Variants in BCR observed in about 807,000 individuals in gnomAD.
The protein encoded by BCR is breakpoint cluster region protein.
BCR carries 58 observed loss-of-function variants against 138.6 expected under a neutral mutation model. The observed-to-expected ratio is 0.42, with a 90% CI of 0.34 to 0.52. The LOEUF is 0.52. Ranked by LOEUF, BCR falls within the 20% of genes least tolerant of loss-of-function variation. The pLI, the probability that BCR is intolerant of heterozygous loss-of-function variation, is 0.06. For synonymous variants in BCR, 786 were observed against 730.1 expected (o/e 1.08, Z -1.23); for missense variants, 1,599 against 1,727.2 (o/e 0.93, Z 1.32).
chr22:23,284,216 T>C (rs116238832), intron 9 of BCR, 118 bp downstream of exon 9: 41,072 of 1,413,758 alleles, frequency 0.029, 773 homozygotes, highest in African/African-American at 0.057. Context: ...CCGTTTCTAC[T>C]TGGGCACAAT....
At chr22:23,314,821 G>A in intron 22 of BCR, 107 bp downstream of exon 22, 2 of 1,403,776 alleles carry the variant, frequency 1.4e-6, no homozygotes, top group Admixed American at 1.9e-5. Flanking sequence ...TGTATGTGGT[G>A]TGGCCAACAT....
intron 16 of BCR, among the ~76,000 whole-genome samples, chr22:23,308,843 G>A (rs1234432331): frequency 2.0e-5 from 3 of 152,174 alleles, no homozygotes; most frequent in Non-Finnish European, 4.4e-5. Context: ...TGCCGGGTGG[G>A]GGTAGAAGTT....
intron 1 of BCR, among the ~76,000 whole-genome samples, chr22:23,218,900 C>G (rs2072787630): frequency 6.6e-6 from 1 of 152,120 alleles, no homozygotes; most frequent in Admixed American, 6.5e-5. Flanking sequence ...ATTAAGAGGC[C>G]CCTTGCCGAG....
chr22:23,253,564 G>A lies in BCR; in HGVS notation c.1280-235G>A, dbSNP rs75851943. On this transcript the variant is annotated intron_variant, in intron 1 of 22. Transcript: ENST00000305877. ...TCTTAAGTCACAACCCCCTGCCAGG[G>A]GCAGACGTATCTCAGAAAGCCCCTT... Among the ~76,000 whole-genome samples the A allele has an allele frequency of 2.1e-3, 325 of 152,310 alleles. 1 individual carries two copies. Among genetic ancestry groups the A allele is most frequent in the African/African-American group, 7.5e-3 (311 of 41,566 alleles).
At chr22:23,254,350 C>T (rs2146268189) in intron 2 of BCR, among the ~76,000 whole-genome samples, 1 of 152,254 alleles carries the variant, frequency 6.6e-6, no homozygotes, top group East Asian at 1.9e-4. Flanking sequence ...CTCCCTTTTA[C>T]CAAAGCGTGT....
At chr22:23,295,864 CG>C (rs2073839849) in intron 16 of BCR, among the ~76,000 whole-genome samples, 1 of 152,086 alleles carries the variant, frequency 6.6e-6, no homozygotes, top group African/African-American at 2.4e-5. Flanking sequence ...CACAATTGCG[CG>C]GGGGTAGCTG....
intron 1 of BCR, among the ~76,000 whole-genome samples, chr22:23,187,014 G>T (rs1019180126): frequency 6.6e-6 from 1 of 152,212 alleles, no homozygotes; most frequent in Non-Finnish European, 1.5e-5. Flanking sequence ...GGGATTATAG[G>T]CATGAGCCAC....
chr22:23,252,432 CTT>C (rs71200842), intron 1 of BCR, among the ~76,000 whole-genome samples: 12 of 117,914 alleles, frequency 1.0e-4, no homozygotes, highest in Non-Finnish European at 1.3e-4. Context: ...CTTTTCTTTT[CTT>C]TTTTTTTTTT....
chr22:23,267,265 T>C (rs2073453276), intron 4 of BCR, among the ~76,000 whole-genome samples: 1 of 152,040 alleles, frequency 6.6e-6, no homozygotes, highest in African/African-American at 2.4e-5. Flanking sequence ...GCCTCATCAC[T>C]GCACGGATGA....
intron 2 of BCR, among the ~76,000 whole-genome samples, chr22:23,256,398 T>C (rs770918679): frequency 6.6e-6 from 1 of 152,092 alleles, no homozygotes; most frequent in Middle Eastern, 3.2e-3. Flanking sequence ...CCCGGGGTGC[T>C]GTGGGAAGGA....
At chr22:23,247,166 A>G (rs2073166676) in intron 1 of BCR, among the ~76,000 whole-genome samples, 1 of 152,050 alleles carries the variant, frequency 6.6e-6, no homozygotes, top group Non-Finnish European at 1.5e-5. Context: ...GACCTGGGAG[A>G]AGATGGGAGG....
chr22:23,247,584 T>A (rs1471106185), intron 1 of BCR, among the ~76,000 whole-genome samples: 2 of 152,156 alleles, frequency 1.3e-5, no homozygotes, highest in Non-Finnish European at 2.9e-5. Flanking sequence ...GGTCAGGGGC[T>A]GGGTTCCTGG....
chr22:23,313,832 G>T, intron 20 of BCR, 136 bp from the exon 21 acceptor site: 1 of 816,630 alleles, frequency 1.2e-6, no homozygotes, highest in Non-Finnish European at 2.2e-6. Flanking sequence ...CTCAATGGGG[G>T]CCAGAGCTGT....
chr22:23,285,042 G>A lies in BCR; in HGVS notation c.2247G>A (p.Gln749=). The change falls in exon 10 of 23, where the codon CAG becomes CAA. Residue 749 remains glutamine, a synonymous_variant. Transcript: ENST00000305877. ...CTCTCCCCATCCCCAGCAAAACGCA[G>A]CAGTATGACTGCAAATGGTACATTC... The part of the protein sequence containing the change: ...KLKKQSGGKT[Q]QYDCKWYIPL... The A allele has an allele frequency of 6.2e-7, 1 of 1,613,472 alleles. No individual in the cohort carries two copies. Among genetic ancestry groups the A allele is most frequent in the Non-Finnish European group, 8.5e-7 (1 of 1,179,546 alleles).
intron 4 of BCR, chr22:23,264,822 A>G (rs1295395842): frequency 6.5e-6 from 1 of 153,090 alleles, no homozygotes; most frequent in African/African-American, 2.4e-5. Flanking sequence ...TCTCGGGGCC[A>G]GAGGTTCATT....
intron 16 of BCR, among the ~76,000 whole-genome samples, chr22:23,305,242 AC>A (rs131688): frequency 0.22 from 32,990 of 151,786 alleles, 4,413 homozygotes; most frequent in East Asian, 0.59. Flanking sequence ...GCAAAGACCC[AC>A]CCCCGGGAGT....
chr22:23,258,932 C>A (rs1021078607), intron 2 of BCR, among the ~76,000 whole-genome samples: 1 of 152,368 alleles, frequency 6.6e-6, no homozygotes, highest in South Asian at 2.1e-4. Context: ...CCGGACCTGG[C>A]ACCACCCCCA....
chr22:23,268,466 T>G lies in BCR; in HGVS notation c.1811T>G (p.Met604Arg). 6.2e-7 allele frequency: 1 copy of G among 1,613,962 alleles called. No individual in the cohort carries two copies. The highest frequency in any genetic ancestry group is 8.5e-7 in the Non-Finnish European group (1 of 1,179,920). Residue 604 changes from methionine to arginine, a missense_variant, in exon 5 of 23, where the codon ATG becomes AGG. Around this residue, in one of 4 missense-constraint regions of BCR, gnomAD observed 590 missense variants for 762.4 expected, o/e 0.77. Transcript: ENST00000305877. ...FVDNYGVAME[M>R]AEKCCQANAQ... ...GACAACTACGGAGTTGCCATGGAAA[T>G]GGCTGAGAAGTGCTGTCAGGCCAAT...
intron 1 of BCR, among the ~76,000 whole-genome samples, chr22:23,206,418 CAAAA>C: frequency 6.6e-6 from 1 of 150,550 alleles, no homozygotes; most frequent in Middle Eastern, 3.4e-3. Context: ...ACTAAAAATA[CAAAA>C]AAAAAGTAGC....
Sources: allele counts gnomAD v4.1 joint callset (sites outside exome capture counted in the v4.1 genomes callset), GRCh38; gene constraint gnomAD v4.1.1; regional missense constraint gnomAD v4.1.1; transcripts MANE v1.5; gene names NCBI Gene and HGNC (gene_info 2026-07-23, HGNC 2026-07-21).